Variants in SIL1 observed in about 807,000 individuals in gnomAD.
SIL1 encodes nucleotide exchange factor SIL1.
In SIL1, 40 loss-of-function variants were observed where a neutral mutation model predicts 49.1. The ratio of observed to expected loss-of-function variants is 0.81; its 90% CI spans 0.63 to 1.06. SIL1 has a LOEUF of 1.06. Among genes scored for constraint, SIL1 ranks in the 50% least tolerant of loss-of-function variants. The pLI is 0.00. For missense variants in SIL1, 500 were observed against 572.6 expected (o/e 0.87, Z 1.29); for synonymous variants, 253 against 250.8 (o/e 1.01, Z -0.08).
intron 7 of SIL1, among the ~76,000 whole-genome samples, chr5:139,019,306 G>A (rs2150426699): frequency 6.6e-6 from 1 of 152,300 alleles, no homozygotes; most frequent in South Asian, 2.1e-4. Flanking sequence ...ACCTCTCCAT[G>A]TAGAAATATC....
At chr5:139,129,433 C>T (rs1047640784) in intron 1 of SIL1, among the ~76,000 whole-genome samples, 2 of 152,134 alleles carry the variant, frequency 1.3e-5, no homozygotes, top group African/African-American at 4.8e-5. Flanking sequence ...GCCTGTAATC[C>T]CAGCCAAGGC....
At chr5:138,961,208 C>T (rs910946942) in intron 7 of SIL1, among the ~76,000 whole-genome samples, 1 of 152,198 alleles carries the variant, frequency 6.6e-6, no homozygotes, top group African/African-American at 2.4e-5. Flanking sequence ...CATTGTGTCT[C>T]CTTGCCCCTC....
At chr5:139,126,200 C>A (rs1750749901) in intron 2 of SIL1, among the ~76,000 whole-genome samples, 4 of 152,220 alleles carry the variant, frequency 2.6e-5, no homozygotes, top group Non-Finnish European at 2.9e-5. Context: ...AAGATTATGA[C>A]AAATGGATAC....
intron 7 of SIL1, among the ~76,000 whole-genome samples, chr5:139,002,390 C>T (rs1032515730): frequency 6.6e-6 from 1 of 151,868 alleles, no homozygotes; most frequent in African/African-American, 2.4e-5. Flanking sequence ...GGGTAGTGAG[C>T]GTAAGATTTT....
At chr5:138,994,574 G>T (rs1767823109) in intron 7 of SIL1, among the ~76,000 whole-genome samples, 5 of 152,178 alleles carry the variant, frequency 3.3e-5, no homozygotes, top group Admixed American at 2.6e-4. Flanking sequence ...AATATCCAGT[G>T]TTTTGTTGAG....
chr5:139,189,286 C>G (rs1375257967), intron 1 of SIL1, among the ~76,000 whole-genome samples: 2 of 152,170 alleles, frequency 1.3e-5, no homozygotes, highest in African/African-American at 4.8e-5. Flanking sequence ...TGCATTAACG[C>G]CTGAGCACCG....
intron 1 of SIL1, among the ~76,000 whole-genome samples, chr5:139,195,090 G>T (rs1752240827): frequency 6.6e-6 from 1 of 151,776 alleles, no homozygotes; most frequent in African/African-American, 2.4e-5. Flanking sequence ...GCGCCACCAC[G>T]CCCGGCTAAT....
intron 3 of SIL1, among the ~76,000 whole-genome samples, chr5:139,107,529 C>A (rs182880572): frequency 5.3e-5 from 8 of 152,326 alleles, no homozygotes; most frequent in Admixed American, 1.3e-4. Context: ...ACTATAGACT[C>A]TACTTGGATT....
intron 7 of SIL1, among the ~76,000 whole-genome samples, chr5:138,983,788 G>A (rs996959934): frequency 6.6e-6 from 1 of 152,050 alleles, no homozygotes; most frequent in Non-Finnish European, 1.5e-5. Flanking sequence ...CAGTCTCTGT[G>A]AGACACATGC....
intron 1 of SIL1, among the ~76,000 whole-genome samples, chr5:139,169,582 A>G (rs997551962): frequency 6.6e-6 from 1 of 151,446 alleles, no homozygotes; most frequent in African/African-American, 2.4e-5. Context: ...CCTGGGTTTA[A>G]GCGATTCTCC....
At chr5:139,050,853 C>T in intron 4 of SIL1, 85 bp downstream of exon 4, 1 of 1,136,140 alleles carries the variant, frequency 8.8e-7, no homozygotes, top group Non-Finnish European at 1.3e-6. Context: ...AAAAAAGCCA[C>T]ATGAATTTGG....
intron 3 of SIL1, among the ~76,000 whole-genome samples, chr5:139,111,994 G>A (rs1004397509): frequency 8.5e-5 from 13 of 152,236 alleles, no homozygotes; most frequent in East Asian, 1.9e-4. Context: ...GCAGGTGCGC[G>A]CCGCCACGCC....
intron 1 of SIL1, among the ~76,000 whole-genome samples, chr5:139,171,001 C>T (rs1164937323): frequency 5.4e-5 from 8 of 148,376 alleles, no homozygotes; most frequent in Admixed American, 6.6e-5. Context: ...AGGTGAGGGG[C>T]GCCTCTGCCC....
At chr5:139,194,832 A>C (rs1342039853) in intron 1 of SIL1, among the ~76,000 whole-genome samples, 4 of 152,208 alleles carry the variant, frequency 2.6e-5, no homozygotes, top group Non-Finnish European at 4.4e-5. Flanking sequence ...TGAATGAAGA[A>C]AGACAGGGGG....
chr5:139,070,744 G>GA (rs954071429), intron 3 of SIL1, among the ~76,000 whole-genome samples: 16 of 151,476 alleles, frequency 1.1e-4, no homozygotes, highest in South Asian at 4.2e-4. Flanking sequence ...TTTGTAAAGG[G>GA]AAAAAAAACA....
intron 1 of SIL1, among the ~76,000 whole-genome samples, chr5:139,170,208 G>A (rs545618103): frequency 1.1e-4 from 17 of 151,372 alleles, no homozygotes; most frequent in African/African-American, 2.7e-4. Context: ...GCGTGATCTC[G>A]GCTCGCTACA....
intron 1 of SIL1, among the ~76,000 whole-genome samples, chr5:139,164,186 G>A (rs1751573441): frequency 6.6e-6 from 1 of 152,082 alleles, no homozygotes; most frequent in South Asian, 2.1e-4. Flanking sequence ...AGACAGGAGG[G>A]GAAATGACTT....
intron 1 of SIL1, among the ~76,000 whole-genome samples, chr5:139,141,781 A>C (rs1200673965): frequency 6.6e-6 from 1 of 152,244 alleles, no homozygotes; most frequent in Non-Finnish European, 1.5e-5. Flanking sequence ...ATGTGAACTT[A>C]GAATTATGGA....
chr5:139,119,119 AG>A (rs968003545), intron 3 of SIL1, among the ~76,000 whole-genome samples: 1 of 152,258 alleles, frequency 6.6e-6, no homozygotes, highest in African/African-American at 2.4e-5. Context: ...ACTCCAAGGC[AG>A]AGGGTGATGC....
Sources: allele counts gnomAD v4.1 joint callset (sites outside exome capture counted in the v4.1 genomes callset), GRCh38; gene constraint gnomAD v4.1.1; transcripts MANE v1.5; gene names NCBI Gene and HGNC (gene_info 2026-07-23, HGNC 2026-07-21).